Variants in PCDH15 observed in about 807,000 individuals in gnomAD.
PCDH15 encodes protocadherin related 15, also known as protocadherin-15.
Under a neutral mutation model 178.5 loss-of-function variants are expected in PCDH15, and 129 were observed. That is an observed-to-expected ratio of 0.72 (90% confidence interval 0.63 to 0.84). PCDH15 has a LOEUF of 0.84. Among genes scored for constraint, PCDH15 ranks in the 40% least tolerant of loss-of-function variants. The pLI is 0.00. For synonymous variants in PCDH15, 800 were observed against 732.0 expected, an observed-to-expected ratio of 1.09 and a Z score of -1.50; for missense variants, 2,230 against 2,099.9, an observed-to-expected ratio of 1.06 and a Z score of -1.21.
At chr10:54,116,856 G>C (rs1381264292) in intron 15 of PCDH15, among the ~76,000 whole-genome samples, 1 of 151,874 alleles carries the variant, frequency 6.6e-6, no homozygotes, top group Non-Finnish European at 1.5e-5. Context: ...TACATCTTTT[G>C]TATTTCATTT....
intron 3 of PCDH15, among the ~76,000 whole-genome samples, chr10:54,515,270 C>G (rs1207373482): frequency 1.3e-5 from 2 of 152,140 alleles, no homozygotes; most frequent in Admixed American, 6.5e-5. Flanking sequence ...CGGGTCACTC[C>G]CACCTTAATA....
intron 3 of PCDH15, among the ~76,000 whole-genome samples, chr10:54,448,230 A>G (rs2076260276): frequency 6.6e-6 from 1 of 151,764 alleles, no homozygotes; most frequent in Non-Finnish European, 1.5e-5. Flanking sequence ...AACAAATAAT[A>G]AAGTGTTTTG....
intron 18 of PCDH15, among the ~76,000 whole-genome samples, chr10:54,066,503 A>T (rs1476831845): frequency 6.6e-6 from 1 of 152,226 alleles, no homozygotes; most frequent in Non-Finnish European, 1.5e-5. Flanking sequence ...TCAGAAACTA[A>T]AAATATATAT....
chr10:55,250,690 C>T (rs1290911860), intron 1 of PCDH15, among the ~76,000 whole-genome samples: 1 of 151,534 alleles, frequency 6.6e-6, no homozygotes, highest in Non-Finnish European at 1.5e-5. Context: ...GTGCCCGCCA[C>T]CACACCCAGC....
intron 15 of PCDH15, among the ~76,000 whole-genome samples, chr10:54,115,228 C>A (rs2095093244): frequency 6.6e-6 from 1 of 152,160 alleles, no homozygotes; most frequent in African/African-American, 2.4e-5. Flanking sequence ...GGTCAGGGTT[C>A]ACTTAAAGGG....
At chr10:53,937,857 C>T (rs935224703) in intron 25 of PCDH15, among the ~76,000 whole-genome samples, 1 of 152,154 alleles carries the variant, frequency 6.6e-6, no homozygotes, top group Admixed American at 6.6e-5. Context: ...CTTCTAAGAA[C>T]GCTCGCTTGC....
chr10:55,189,175 G>T (rs1591976633), intron 1 of PCDH15, among the ~76,000 whole-genome samples: 1 of 151,776 alleles, frequency 6.6e-6, no homozygotes, highest in Non-Finnish European at 1.5e-5. Context: ...CTCAAGAAGG[G>T]TTACATATTT....
At chr10:53,906,129 T>G (rs2082665723) in intron 25 of PCDH15, among the ~76,000 whole-genome samples, 1 of 152,138 alleles carries the variant, frequency 6.6e-6, no homozygotes, top group African/African-American at 2.4e-5. Context: ...TAGGATAGTT[T>G]GTAATAGTCA....
At chr10:54,321,225 C>G (rs1252727645) in intron 7 of PCDH15, among the ~76,000 whole-genome samples, 1 of 149,108 alleles carries the variant, frequency 6.7e-6, no homozygotes, top group Non-Finnish European at 1.5e-5. Context: ...ATGAGAATCT[C>G]ACTACATTGC....
At chr10:54,666,768 C>A (rs2094578822) in intron 1 of PCDH15, among the ~76,000 whole-genome samples, 1 of 151,880 alleles carries the variant, frequency 6.6e-6, no homozygotes, top group African/African-American at 2.4e-5. Flanking sequence ...TAGCAAAGGA[C>A]AAAAGGACAT....
At chr10:54,228,779 C>A (rs2053739534) in intron 9 of PCDH15, among the ~76,000 whole-genome samples, 2 of 152,156 alleles carry the variant, frequency 1.3e-5, no homozygotes, top group South Asian at 2.1e-4. Context: ...TTGGTAAGAG[C>A]AGATCTTCTT....
intron 1 of PCDH15, among the ~76,000 whole-genome samples, chr10:55,248,275 G>T (rs1381469105): frequency 6.0e-5 from 9 of 151,028 alleles, no homozygotes; most frequent in Non-Finnish European, 1.0e-4. Flanking sequence ...ATATCATTTT[G>T]AAAAAAACAC....
In PCDH15 at chr10:55,561,110, A is replaced by T. The variant is rs568792161; in HGVS notation, c.-156+66515T>A. Among the ~76,000 whole-genome samples, 19 of 151,940 alleles carry T rather than the reference A, an allele frequency of 1.3e-4. No individual in the cohort carries two copies. The South Asian group carries it at 3.9e-3, about 31-fold the overall frequency. On this transcript the variant is annotated intron_variant, in intron 2 of 5. Transcript: ENST00000613346. The stretch of plus-strand genomic sequence containing the variant: ...TAACTCAGGTGTTATCTAGGGAGTA[A>T]CCTGAAAAATACTTTCACAGAACAA...
intron 2 of PCDH15, among the ~76,000 whole-genome samples, chr10:55,078,537 T>C (rs1291246176): frequency 6.6e-6 from 1 of 152,152 alleles, no homozygotes; most frequent in Non-Finnish European, 1.5e-5. Flanking sequence ...TTTGACTGAC[T>C]GGGTTATTTC....
intron 27 of PCDH15, among the ~76,000 whole-genome samples, chr10:53,858,015 C>CA (rs567970382): frequency 1.3e-3 from 190 of 150,624 alleles, no homozygotes; most frequent in African/African-American, 4.0e-3. Flanking sequence ...GATTTTAAAA[C>CA]AAAAAAAATA....
intron 27 of PCDH15, among the ~76,000 whole-genome samples, chr10:53,857,477 G>A (rs747041854): frequency 6.6e-6 from 1 of 151,942 alleles, no homozygotes; most frequent in Admixed American, 6.6e-5. Context: ...ACTATTTGTT[G>A]TTTACCTAGA....
At chr10:55,100,203 T>A (rs1034975583) in intron 2 of PCDH15, among the ~76,000 whole-genome samples, 1 of 152,122 alleles carries the variant, frequency 6.6e-6, no homozygotes. Context: ...TATGCAAAAG[T>A]ATTTAGGCCA....
rs181764981 is a variant in PCDH15, at chr10:54,558,101, T to G, written c.92-30224A>C. 4.6e-5 allele frequency among the ~76,000 whole-genome samples: 7 copies of G among 152,196 alleles called. No individual in the cohort carries two copies. The East Asian group carries it at 1.4e-3, about 29-fold the overall frequency. On this transcript the variant is annotated intron_variant, in intron 2 of 37. Transcript: ENST00000644397. ...AAATGATCCCACCAGAAATCTGATA[T>G]GCAATCAGGACCCTGAAGACAGTGG...
At chr10:54,729,752 C>G (rs1301339646) in intron 1 of PCDH15, among the ~76,000 whole-genome samples, 1 of 151,594 alleles carries the variant, frequency 6.6e-6, no homozygotes, top group African/African-American at 2.4e-5. Flanking sequence ...AAGAAATGAA[C>G]AGACATTTCT....
Sources: gnomAD v4.1 joint callset for allele counts (sites outside exome capture counted in the v4.1 genomes callset) on GRCh38, gnomAD v4.1.1 for gene constraint, MANE v1.5 for transcripts, NCBI Gene and HGNC (gene_info 2026-07-23, HGNC 2026-07-21) for gene names.